FARS2: variants seen among roughly 807,000 people sequenced by gnomAD.
The protein encoded by FARS2 is phenylalanyl-tRNA synthetase 2, mitochondrial.
A neutral mutation model predicts 46.4 loss-of-function variants in FARS2; 40 were observed. The observed-to-expected ratio is 0.86, with a 90% CI of 0.67 to 1.12. The LOEUF (loss-of-function observed/expected upper bound fraction) is 1.12, where lower values mean the gene tolerates loss of function less well. Ranked by LOEUF, FARS2 falls within the 50% of genes most tolerant of loss-of-function variation. The pLI is 0.00. For missense variants in FARS2, 513 were observed against 567.9 expected (o/e 0.90, Z 0.98); for synonymous variants, 234 against 214.9 (o/e 1.09, Z -0.78).
chr6:5,525,410 G>C (rs548863450), intron 4 of FARS2, among the ~76,000 whole-genome samples: 8 of 152,182 alleles, frequency 5.3e-5, no homozygotes, highest in Admixed American at 3.9e-4. Flanking sequence ...ACTGTGTTGC[G>C]ACATGATTCA....
chr6:5,578,483 AC>A (rs1773116828), intron 5 of FARS2, among the ~76,000 whole-genome samples: 2 of 152,050 alleles, frequency 1.3e-5, no homozygotes, highest in East Asian at 3.9e-4. Flanking sequence ...ATTTTTTTTA[AC>A]GTTATTTTCA....
chr6:5,535,825 T>G (rs1770157514), intron 4 of FARS2, among the ~76,000 whole-genome samples: 1 of 142,082 alleles, frequency 7.0e-6, no homozygotes, highest in East Asian at 1.9e-4. Context: ...TGTTACAGTA[T>G]ATTACATTGA....
chr6:5,750,380 G>A (rs990086676), intron 6 of FARS2, among the ~76,000 whole-genome samples: 2 of 152,126 alleles, frequency 1.3e-5, no homozygotes, highest in East Asian at 1.9e-4. Flanking sequence ...TGCACAAACC[G>A]GCCTTCAGTT....
At chr6:5,547,243 C>T (rs1018249359) in intron 5 of FARS2, among the ~76,000 whole-genome samples, 3 of 152,158 alleles carry the variant, frequency 2.0e-5, no homozygotes, top group Non-Finnish European at 4.4e-5. Flanking sequence ...TGAACCACTG[C>T]GCCCGGCCTC....
At position 5,601,397 on chromosome 6, in the gene FARS2, G is replaced by A. The variant is rs183630093; in HGVS notation, c.1066-11772G>A. Among the ~76,000 whole-genome samples the A allele has an allele frequency of 4.3e-4, 66 of 151,900 alleles. 1 individual carries two copies. The East Asian group carries it at 0.012, about 27-fold the overall frequency. On this transcript the variant is annotated intron_variant, in intron 5 of 6. Coordinates refer to ENST00000274680, the MANE Select transcript of FARS2 (RefSeq NM_006567.5). Reference sequence around the variant, plus strand: ...AAATTAGCCAGGCATGGTGGCGGGCGCCTGTAATCCCAGCTACTCAGGAGC... The same window carrying A: ...AAATTAGCCAGGCATGGTGGCGGGCACCTGTAATCCCAGCTACTCAGGAGC...
intron 4 of FARS2, among the ~76,000 whole-genome samples, chr6:5,493,659 T>G (rs1248813937): frequency 6.6e-6 from 1 of 152,232 alleles, no homozygotes; most frequent in African/African-American, 2.4e-5. Flanking sequence ...GTTTCCTCAT[T>G]TATAAAATGG....
the FARS2 span, among the ~76,000 whole-genome samples, chr6:5,254,617 C>G: frequency 6.6e-6 from 1 of 152,192 alleles, no homozygotes; most frequent in Non-Finnish European, 1.5e-5. Context: ...TGTGCCCTAA[C>G]AAAGGTAAGA....
chr6:5,544,847 CTAAA>C (rs1375888862), intron 4 of FARS2, among the ~76,000 whole-genome samples: 1 of 152,106 alleles, frequency 6.6e-6, no homozygotes, highest in East Asian at 1.9e-4. Flanking sequence ...ATTCAGTGGG[CTAAA>C]TGTTTGAATC....
chr6:5,606,694 G>A (rs542659166), intron 5 of FARS2, among the ~76,000 whole-genome samples: 3 of 152,170 alleles, frequency 2.0e-5, no homozygotes, highest in East Asian at 1.9e-4. Flanking sequence ...CAGAGGTGGC[G>A]TGAGTTCTCT....
chr6:5,645,184 G>C (rs145680891), intron 6 of FARS2, among the ~76,000 whole-genome samples: 14 of 152,298 alleles, frequency 9.2e-5, no homozygotes, highest in African/African-American at 3.4e-4. Flanking sequence ...TACACAGAAT[G>C]ACAGTCATTC....
In FARS2 at chr6:5,456,556, A is replaced by AC. The variant is rs780957724; in HGVS notation, c.904+25388dup. ...AGGCCAGCCTGGCCAACATGGTGAA[A>AC]CCCCACCTCTACTAAAAGCACAAAA... On this transcript the variant is annotated intron_variant, in intron 4 of 6. Transcript: ENST00000274680. Among the ~76,000 whole-genome samples, 13 of 151,586 alleles carry AC rather than the reference A, an allele frequency of 8.6e-5. No homozygotes were observed. In the East Asian group the frequency reaches 2.6e-3, roughly 30 times the overall value.
At position 5,337,919 on chromosome 6, in the gene FARS2, C is replaced by T. The variant is rs935251740; in HGVS notation, c.-21-30631C>T. Among the ~76,000 whole-genome samples the T allele has an allele frequency of 2.5e-4, 38 of 152,160 alleles. 1 individual carries two copies. The highest frequency in any genetic ancestry group is 7.2e-4 in the Admixed American group (11 of 15,280). ...CTGTGAAGAAAGGCTTCTGGGAAAG[C>T]ATCAAGTTTAGGTGGTAATGCCATC... is the stretch of plus-strand genomic sequence containing the variant. On this transcript the variant is annotated intron_variant, in intron 1 of 6. Transcript: ENST00000274680.
chr6:5,721,924 C>T (rs761837263), intron 6 of FARS2, among the ~76,000 whole-genome samples: 1 of 152,164 alleles, frequency 6.6e-6, no homozygotes, highest in Non-Finnish European at 1.5e-5. Context: ...TGTGCTTCAG[C>T]GTGTACCACG....
At position 5,431,059 on chromosome 6, in the gene FARS2, TA is replaced by T. The variant is rs761097220; in HGVS notation, c.792del (p.Asp265ThrfsTer29). 1.8e-4 allele frequency: 294 copies of T among 1,613,728 alleles called. No individual in the cohort carries two copies. Among genetic ancestry groups the T allele is most frequent in the Non-Finnish European group, 2.4e-4 (289 of 1,179,784 alleles). On this transcript the variant is annotated frameshift_variant, in exon 4 of 7. Coordinates refer to ENST00000274680, the MANE Select transcript of FARS2 (RefSeq NM_006567.5). LOFTEE classifies it high-confidence loss of function. Reference protein sequence around the residue: ...LFGDELEIRWVDCYFPFTHPS... With the variant: ...LFGDELEIRWXDCYFPFTHPS... Reference sequence around the variant, plus strand: ...TTTGCAGAGCTGGAGATAAGATGGGTAGACTGCTACTTCCCTTTTACACATC... The same window carrying T: ...TTTGCAGAGCTGGAGATAAGATGGGTGACTGCTACTTCCCTTTTACACATC...
At chr6:5,546,690 T>C (rs918716766) in intron 5 of FARS2, among the ~76,000 whole-genome samples, 1 of 152,016 alleles carries the variant, frequency 6.6e-6, no homozygotes, top group African/African-American at 2.4e-5. Flanking sequence ...CCTGTGTGCT[T>C]TATTTTTGAT....
At chr6:5,309,118 GA>G (rs1768920367) in intron 1 of FARS2, among the ~76,000 whole-genome samples, 1 of 152,190 alleles carries the variant, frequency 6.6e-6, no homozygotes, top group Non-Finnish European at 1.5e-5. Context: ...ATTTATACCA[GA>G]CAATGTGCTG....
In FARS2 at chr6:5,570,717, T is replaced by C. The variant is rs184268571; in HGVS notation, c.1065+25377T>C. On this transcript the variant is annotated intron_variant, in intron 5 of 6. Transcript: ENST00000274680. ...TGCCTCTGGGCACAGAACCACAACATGATTGCTGACGGGGAGAACCTGATT... is the reference window on the plus strand; with the variant it reads ...TGCCTCTGGGCACAGAACCACAACACGATTGCTGACGGGGAGAACCTGATT... Among the ~76,000 whole-genome samples the C allele has an allele frequency of 1.1e-3, 160 of 152,308 alleles. 1 individual carries two copies. Among genetic ancestry groups the C allele is most frequent in the Non-Finnish European group, 1.5e-3 (99 of 68,014 alleles).
chr6:5,570,821 C>T (rs1018162777), intron 5 of FARS2, among the ~76,000 whole-genome samples: 1 of 152,176 alleles, frequency 6.6e-6, no homozygotes, highest in African/African-American at 2.4e-5. Context: ...ACTGTCACCA[C>T]AGCTGTGCAC....
At chr6:5,572,275 T>C (rs1308930680) in intron 5 of FARS2, among the ~76,000 whole-genome samples, 1 of 151,948 alleles carries the variant, frequency 6.6e-6, no homozygotes, top group Non-Finnish European at 1.5e-5. Context: ...ACACGTCCTA[T>C]AGTGAAGGCA....
Sources: gnomAD v4.1 joint callset for allele counts (sites outside exome capture counted in the v4.1 genomes callset) on GRCh38, gnomAD v4.1.1 for gene constraint, MANE v1.5 for transcripts, NCBI Gene and HGNC (gene_info 2026-07-23, HGNC 2026-07-21) for gene names.